Variants in ATRN observed in about 807,000 individuals in gnomAD.
ATRN encodes attractin, also known as attractin-2.
In ATRN, 54 loss-of-function variants were observed where a neutral mutation model predicts 178.7. That is an observed-to-expected ratio of 0.30 (90% CI 0.24 to 0.38). The LOEUF (loss-of-function observed/expected upper bound fraction) is 0.38. ATRN is among the 10% of genes least tolerant of loss of function. ATRN has a pLI of 1.00. For missense variants in ATRN, 1,443 were observed against 1,815.1 expected (o/e 0.79, Z 3.73); for synonymous variants, 636 against 663.0 (o/e 0.96, Z 0.63).
At chr20:3,483,743 A>G (rs2084654326) in intron 1 of ATRN, among the ~76,000 whole-genome samples, 1 of 152,186 alleles carries the variant, frequency 6.6e-6, no homozygotes, top group African/African-American at 2.4e-5. Context: ...AAAATAACTG[A>G]AATTCTTTTT....
rs373228930 is a variant in ATRN, at chr20:3,559,491, A to G, written c.1203+8A>G. ...TCTTTGGCATTATACAAGGTAAAGCATCTCCACTCTGTGCTAAGCAAGAAA... is the reference window on the plus strand; with the variant it reads ...TCTTTGGCATTATACAAGGTAAAGCGTCTCCACTCTGTGCTAAGCAAGAAA... On this transcript the variant is annotated splice_region_variant and intron_variant, in intron 7 of 28. Transcript: ENST00000262919. The G allele has an allele frequency of 4.4e-6, 7 of 1,602,470 alleles. No individual in the cohort carries two copies. The highest frequency in any genetic ancestry group is 2.6e-6 in the Non-Finnish European group (3 of 1,169,470).
At chr20:3,558,644 A>G (rs2085910800) in intron 6 of ATRN, among the ~76,000 whole-genome samples, 1 of 151,890 alleles carries the variant, frequency 6.6e-6, no homozygotes, top group Non-Finnish European at 1.5e-5. Context: ...AATGATATTT[A>G]TTTCTAGATC....
intron 1 of ATRN, among the ~76,000 whole-genome samples, chr20:3,502,100 GTTA>G (rs991478776): frequency 2.6e-5 from 4 of 151,918 alleles, no homozygotes; most frequent in African/African-American, 7.3e-5. Flanking sequence ...ATTGCCTCAA[GTTA>G]TTATTATAAT....
chr20:3,474,166 A>G (rs139946301), intron 1 of ATRN, among the ~76,000 whole-genome samples: 12 of 152,308 alleles, frequency 7.9e-5, no homozygotes, highest in African/African-American at 2.4e-4. Context: ...GGATTGGATA[A>G]GAGCTACTTG....
chr20:3,618,213 G>T (rs1219667288), intron 24 of ATRN, among the ~76,000 whole-genome samples: 1 of 152,106 alleles, frequency 6.6e-6, no homozygotes, highest in Non-Finnish European at 1.5e-5. Flanking sequence ...GAGGCACTAA[G>T]AGCAGTGATA....
At chr20:3,595,282 ACCT>A (rs1489918157) in intron 20 of ATRN, among the ~76,000 whole-genome samples, 1 of 152,136 alleles carries the variant, frequency 6.6e-6, no homozygotes, top group Non-Finnish European at 1.5e-5. Context: ...TCACTGGGAA[ACCT>A]CATAAAATGC....
chr20:3,567,756 G>A (rs919117834), intron 11 of ATRN, among the ~76,000 whole-genome samples: 11 of 152,128 alleles, frequency 7.2e-5, no homozygotes, highest in African/African-American at 2.7e-4. Context: ...GAGGAGGAGA[G>A]ATGGCTGTGA....
chr20:3,631,491 A>G (rs1168057768), intron 25 of ATRN, among the ~76,000 whole-genome samples: 1 of 152,134 alleles, frequency 6.6e-6, no homozygotes, highest in Admixed American at 6.5e-5. Flanking sequence ...TGTCCTAATG[A>G]GATGCTTTTC....
At chr20:3,589,752 C>G (rs943226829) in intron 18 of ATRN, among the ~76,000 whole-genome samples, 8 of 152,072 alleles carry the variant, frequency 5.3e-5, no homozygotes, top group Non-Finnish European at 1.0e-4. Flanking sequence ...TCAGGACACT[C>G]CAGCTCTGGT....
At position 3,584,698 on chromosome 20, in the gene ATRN, G is replaced by A. The variant is rs747506337; in HGVS notation, c.3002G>A (p.Gly1001Asp). ...TGTAGTCATTGCTTGGAGCAACCAG[G>A]CTGTGGCTGGTGTACTGATCCCAGC... ...CTCSHCLEQPGCGWCTDPSNT... is the reference protein window; with the variant it reads ...CTCSHCLEQPDCGWCTDPSNT... The change falls in exon 18 of 29, where the codon GGC becomes GAC. Residue 1001 changes from glycine (G) to aspartate (D), a missense_variant. Coordinates refer to ENST00000262919, the MANE Select transcript of ATRN (RefSeq NM_139321.3). 6.2e-7 allele frequency: 1 copy of A among 1,614,004 alleles called. No homozygotes were observed. The highest frequency in any genetic ancestry group is 1.1e-5 in the South Asian group (1 of 91,068).
chr20:3,597,074 A>ATATATAT (rs1555822793), intron 21 of ATRN, among the ~76,000 whole-genome samples: 1 of 146,966 alleles, frequency 6.8e-6, no homozygotes, highest in African/African-American at 2.5e-5. Context: ...ATATATATAT[A>ATATATAT]AAACTTCTAA....
intron 1 of ATRN, among the ~76,000 whole-genome samples, chr20:3,523,072 A>G (rs1255960454): frequency 1.3e-5 from 2 of 152,080 alleles, no homozygotes. Flanking sequence ...AGTTTGATGA[A>G]TTAACAGAAG....
rs565538934 is a variant in ATRN at position 3,594,610 on chromosome 20, A to G, written c.3416+38A>G. The G allele has an allele frequency of 2.9e-4, 452 of 1,559,016 alleles. 11 individuals carry two copies. The South Asian group carries it at 4.9e-3, about 17-fold the overall frequency. On this transcript the variant is annotated intron_variant, in intron 20 of 28. Transcript: ENST00000262919. ...CTCCCTGGACCACCAGGGAGGACCA[A>G]GAGGCTGTGCAGCTGCCTGAACCCC...
chr20:3,512,146 G>A lies in ATRN; in HGVS notation c.411-23107G>A, dbSNP rs2085142442. Among the ~76,000 whole-genome samples the A allele has an allele frequency of 3.0e-5, 4 of 131,950 alleles. No individual in the cohort carries two copies. The South Asian group carries it at 9.4e-4, about 31-fold the overall frequency. The allele number at this position is 131,950 out of a possible 152,430, so 86.6% of individuals were successfully genotyped here. On this transcript the variant is annotated intron_variant, in intron 1 of 28. Transcript: ENST00000262919. ...TTATACTTTAAGTTCTAGGGTACAT[G>A]TGCACAACATGCAGGTTTGTTACAT...
intron 1 of ATRN, among the ~76,000 whole-genome samples, chr20:3,504,037 A>C (rs2084999887): frequency 6.6e-6 from 1 of 152,208 alleles, no homozygotes; most frequent in South Asian, 2.1e-4. Context: ...CATGGAGGCC[A>C]TCTGAAATGT....
chr20:3,562,346 T>C lies in ATRN; in HGVS notation c.1518T>C (p.Val506=). The C allele has an allele frequency of 6.2e-7, 1 of 1,614,168 alleles. No homozygotes were observed. ...AAGGGGGTTACGGCCATAGCAGTGT[T>C]TACGACCATAGGACCAGGGCCCTAT... is the stretch of plus-strand genomic sequence containing the variant. ...LVQGGYGHSS[V]YDHRTRALYV... The change falls in exon 9 of 29, where the codon GTT becomes GTC. Residue 506 remains valine, a synonymous_variant. Coordinates refer to ENST00000262919, the MANE Select transcript of ATRN (RefSeq NM_139321.3).
chr20:3,511,613 T>G (rs941199649), intron 1 of ATRN, among the ~76,000 whole-genome samples: 3 of 152,180 alleles, frequency 2.0e-5, no homozygotes, highest in South Asian at 2.1e-4. Context: ...ATTTGAGGAA[T>G]TCTCCATAGT....
chr20:3,568,759 A>G (rs772344983), intron 11 of ATRN, among the ~76,000 whole-genome samples: 9 of 152,232 alleles, frequency 5.9e-5, no homozygotes, highest in Non-Finnish European at 1.3e-4. Flanking sequence ...GCTCACAGCC[A>G]ACAGCACTTT....
chr20:3,622,132 T>C (rs1424896271), intron 24 of ATRN, among the ~76,000 whole-genome samples: 1 of 152,226 alleles, frequency 6.6e-6, no homozygotes, highest in African/African-American at 2.4e-5. Flanking sequence ...GTTGTGCACA[T>C]GGTGCCCAGA....
Sources: allele counts gnomAD v4.1 joint callset (sites outside exome capture counted in the v4.1 genomes callset), GRCh38; gene constraint gnomAD v4.1.1; transcripts MANE v1.5; gene names NCBI Gene and HGNC (gene_info 2026-07-23, HGNC 2026-07-21).